Variants in PCDHA1 observed in about 807,000 individuals in gnomAD.
PCDHA1 encodes protocadherin alpha-1.
PCDHA1 carries 42 observed loss-of-function variants against 61.3 expected under a neutral mutation model. The ratio of observed to expected loss-of-function variants is 0.69; its 90% confidence interval spans 0.54 to 0.89. PCDHA1 has a LOEUF of 0.89. Ranked by LOEUF, PCDHA1 falls within the 40% of genes least tolerant of loss-of-function variation. PCDHA1 has a pLI of 0.00. For missense variants in PCDHA1, 1,256 were observed against 1,235.3 expected, an observed-to-expected ratio of 1.02 and a Z score of -0.25; for synonymous variants, 610 against 553.8, an observed-to-expected ratio of 1.10 and a Z score of -1.43.
chr5:140,800,950 A>T, intron 1 of PCDHA1: 1 of 1,105,816 alleles, frequency 9.0e-7, no homozygotes, highest in South Asian at 2.8e-5. Context: ...TTCAAACGAC[A>T]TACAAGGAAA....
chr5:140,832,888 A>G (rs1772201614), intron 1 of PCDHA1, among the ~76,000 whole-genome samples: 2 of 152,142 alleles, frequency 1.3e-5, no homozygotes, highest in Non-Finnish European at 2.9e-5. Flanking sequence ...AAATGGAAAG[A>G]GTTTTCCCTG....
chr5:140,836,466 G>A (rs1554135989), intron 1 of PCDHA1: 1 of 1,613,862 alleles, frequency 6.2e-7, no homozygotes, highest in Non-Finnish European at 8.5e-7. Flanking sequence ...CGAGCTGGTG[G>A]ATGTCAACGT....
intron 1 of PCDHA1, chr5:140,928,748 G>T (rs191251073): frequency 6.2e-7 from 1 of 1,614,114 alleles, no homozygotes; most frequent in Admixed American, 1.7e-5. Flanking sequence ...GGTGAGCTCC[G>T]TACTGCTCGC....
chr5:140,827,864 T>C, intron 1 of PCDHA1: 1 of 608,420 alleles, frequency 1.6e-6, no homozygotes, highest in Non-Finnish European at 2.9e-6. Flanking sequence ...ATATATGGTA[T>C]AGCACTGTTA....
chr5:140,927,634 A>G, intron 1 of PCDHA1: 1 of 1,614,184 alleles, frequency 6.2e-7, no homozygotes, highest in Non-Finnish European at 8.5e-7. Context: ...GACTGCACCC[A>G]ATGGGACTGT....
intron 1 of PCDHA1, chr5:140,804,586 T>C (rs1554123102): frequency 1.3e-5 from 2 of 152,382 alleles, no homozygotes; most frequent in African/African-American, 4.8e-5. Context: ...GAAATAAGTT[T>C]GATAAGCCAA....
chr5:140,967,327 C>T (rs2096128034), intron 1 of PCDHA1: 2 of 1,608,656 alleles, frequency 1.2e-6, no homozygotes, highest in Admixed American at 1.7e-5. Context: ...CCTACGAGCT[C>T]AGCCCCAGCG....
intron 1 of PCDHA1, chr5:140,929,189 A>C (rs782622519): frequency 3.1e-6 from 5 of 1,614,180 alleles, no homozygotes; most frequent in Non-Finnish European, 3.4e-6. Context: ...GGTTCTGATA[A>C]TAACAGTTTG....
chr5:140,959,763 C>A (rs2095510059), intron 1 of PCDHA1, among the ~76,000 whole-genome samples: 2 of 152,170 alleles, frequency 1.3e-5, no homozygotes, highest in South Asian at 4.1e-4. Flanking sequence ...TTTTAATATT[C>A]AGTAAGAACA....
chr5:140,869,798 T>A (rs782748267), intron 1 of PCDHA1: 2 of 1,612,730 alleles, frequency 1.2e-6, no homozygotes. Flanking sequence ...TTAGTCCAAG[T>A]CTTGGATGTC....
chr5:140,904,287 G>A (rs2071024041), intron 1 of PCDHA1, among the ~76,000 whole-genome samples: 1 of 151,908 alleles, frequency 6.6e-6, no homozygotes, highest in Non-Finnish European at 1.5e-5. Context: ...TGTGGTGTTT[G>A]GTTTTCCATT....
intron 1 of PCDHA1, among the ~76,000 whole-genome samples, chr5:140,916,135 T>TG (rs1178819787): frequency 6.6e-6 from 1 of 152,126 alleles, no homozygotes; most frequent in Non-Finnish European, 1.5e-5. Flanking sequence ...GCTTAAGGGC[T>TG]GTTCAGTTGT....
chr5:140,868,927 A>T, intron 1 of PCDHA1: 3 of 1,057,856 alleles, frequency 2.8e-6, no homozygotes, highest in Non-Finnish European at 4.0e-6. Flanking sequence ...AAGTTCATTT[A>T]AAGGTTGGTC....
chr5:140,795,901 G>T (rs1554119614), intron 1 of PCDHA1: 1 of 1,613,976 alleles, frequency 6.2e-7, no homozygotes, highest in East Asian at 2.2e-5. Context: ...TTATGAAGAA[G>T]CAAAGTCCTA....
At chr5:140,925,941 G>A (rs1311329302) in intron 1 of PCDHA1, among the ~76,000 whole-genome samples, 2 of 138,504 alleles carry the variant, frequency 1.4e-5, no homozygotes, top group South Asian at 2.1e-4. Flanking sequence ...GAGCCTCTTG[G>A]AGAAGGAGAA....
chr5:140,798,590 T>C (rs1343552889), intron 1 of PCDHA1, among the ~76,000 whole-genome samples: 1 of 152,190 alleles, frequency 6.6e-6, no homozygotes, highest in Non-Finnish European at 1.5e-5. Flanking sequence ...ACTACTTTTT[T>C]CTGGCATCTA....
At chr5:140,849,842 C>A (rs2150452935) in intron 1 of PCDHA1, 1 of 1,598,534 alleles carries the variant, frequency 6.3e-7, no homozygotes, top group Non-Finnish European at 8.6e-7. Context: ...CCGACGTGAA[C>A]GACAACGCAC....
At chr5:140,863,396 G>C (rs782335492) in intron 1 of PCDHA1, 1 of 872,572 alleles carries the variant, frequency 1.1e-6, no homozygotes, top group Non-Finnish European at 1.8e-6. Context: ...TGCATGCCGG[G>C]CAAGCCCACG....
In PCDHA1 at chr5:140,828,050, G is replaced by C. The variant is rs2150150336; in HGVS notation, c.2394+39366G>C. 3 of 1,545,376 alleles carry C rather than the reference G, an allele frequency of 1.9e-6. No homozygotes were observed. In the Admixed American group the frequency reaches 6.2e-5, roughly 32 times the overall value. ...GGAACATACAGTATTTTATCTTTAT[G>C]CGGAAGATCTTCTAATGGAAATAAA... On this transcript the variant is annotated intron_variant, in intron 1 of 3. Coordinates refer to ENST00000504120, the MANE Select transcript of PCDHA1 (RefSeq NM_018900.4).
Sources: gnomAD v4.1 joint callset for allele counts (sites outside exome capture counted in the v4.1 genomes callset) on GRCh38, gnomAD v4.1.1 for gene constraint, MANE v1.5 for transcripts, NCBI Gene and HGNC (gene_info 2026-07-23, HGNC 2026-07-21) for gene names.